Variants in DDI2 observed in about 807,000 individuals in gnomAD.
DDI2 encodes DDI proteasomal shuttling factor 2, also known as protein DDI1 homolog 2.
A neutral mutation model predicts 48.1 loss-of-function variants in DDI2; 5 were observed. The observed-to-expected ratio is 0.10, with a 90% confidence interval of 0.05 to 0.22. DDI2 has a LOEUF of 0.22. Among genes scored for constraint, DDI2 ranks in the 10% least tolerant of loss-of-function variants. DDI2 has a pLI of 1.00. For synonymous variants in DDI2, 205 were observed against 183.6 expected, an observed-to-expected ratio of 1.12 and a Z score of -0.94; for missense variants, 285 against 506.2, an observed-to-expected ratio of 0.56 and a Z score of 4.19.
intron 1 of DDI2, among the ~76,000 whole-genome samples, chr1:15,618,240 A>G (rs1007447475): frequency 6.9e-6 from 1 of 143,990 alleles, no homozygotes; most frequent in African/African-American, 2.6e-5. Flanking sequence ...TGGTAGATAG[A>G]TGTTCCTCTG....
chr1:15,637,332 A>T (rs1042814790), intron 4 of DDI2, among the ~76,000 whole-genome samples: 3 of 151,898 alleles, frequency 2.0e-5, no homozygotes, highest in African/African-American at 7.3e-5. Flanking sequence ...TGGCCTTCCA[A>T]AGAAAGTGCT....
chr1:15,652,449 AGGGGGGGG>A lies in DDI2; in HGVS notation c.1183+563_1183+570del. On this transcript the variant is annotated intron_variant, in intron 8 of 9. Coordinates refer to ENST00000480945, the MANE Select transcript of DDI2 (RefSeq NM_032341.5). ...ATCCCAGCACTTTGGGAGGCTCCGGAGGGGGGGGGGGGGGGGCGGATCACCTGAGGTCA... is the reference window on the plus strand; with the variant it reads ...ATCCCAGCACTTTGGGAGGCTCCGGAGGGGGGGGCGGATCACCTGAGGTCA... Among the ~76,000 whole-genome samples, 2 of 8,212 alleles carry A rather than the reference AGGGGGGGG, an allele frequency of 2.4e-4. 1 individual carries two copies. The highest frequency in any genetic ancestry group is 4.8e-4 in the Non-Finnish European group (2 of 4,204). The allele number at this position is 8,212 out of a possible 152,430, so 5.4% of individuals were successfully genotyped here.
At chr1:15,628,815 T>G (rs1050949475) in intron 2 of DDI2, among the ~76,000 whole-genome samples, 1 of 152,222 alleles carries the variant, frequency 6.6e-6, no homozygotes, top group Non-Finnish European at 1.5e-5. Flanking sequence ...CGTATTTTCA[T>G]TACCTTAAAA....
intron 2 of DDI2, among the ~76,000 whole-genome samples, chr1:15,628,212 A>G (rs1219009832): frequency 6.6e-6 from 1 of 152,122 alleles, no homozygotes; most frequent in Non-Finnish European, 1.5e-5. Flanking sequence ...AGTGGAGATA[A>G]AATTTCTTGA....
chr1:15,633,294 A>T (rs1362983190), intron 3 of DDI2, 145 bp from the exon 4 acceptor site: 2 of 879,006 alleles, frequency 2.3e-6, no homozygotes, highest in Non-Finnish European at 3.4e-6. Context: ...CAGAAAGTAA[A>T]TGTAATTGCT....
Position 15,664,621 on chromosome 1 carries a change from C to T in DDI2, c.*4831C>T, listed in dbSNP as rs954550394. On this transcript the variant is annotated 3_prime_UTR_variant, in exon 10 of 10. Coordinates refer to ENST00000480945, the MANE Select transcript of DDI2 (RefSeq NM_032341.5). ...AACTTCTAAGAATACCATCAAATCC[C>T]TGTGAATTCTGGTTGCCAACAGTAA... The T allele has an allele frequency of 2.6e-5, 4 of 152,146 alleles. No homozygotes were observed. Among genetic ancestry groups the T allele is most frequent in the Non-Finnish European group, 5.9e-5 (4 of 68,044 alleles). The allele number at this position is 152,146 out of a possible 1,614,324, so 9.4% of individuals were successfully genotyped here.
intron 8 of DDI2, among the ~76,000 whole-genome samples, chr1:15,655,271 C>T (rs1055114830): frequency 6.6e-6 from 1 of 152,056 alleles, no homozygotes; most frequent in African/African-American, 2.4e-5. Context: ...CATCGACTTC[C>T]TAATATCATC....
At chr1:15,635,818 C>G (rs1254512578) in intron 4 of DDI2, among the ~76,000 whole-genome samples, 1 of 152,122 alleles carries the variant, frequency 6.6e-6, no homozygotes, top group African/African-American at 2.4e-5. Context: ...TGTTGAAACT[C>G]ATTTGGGTTG....
intron 3 of DDI2, 46 bp from the exon 4 acceptor site, chr1:15,633,393 T>G (rs1276232334): frequency 6.2e-7 from 1 of 1,600,728 alleles, no homozygotes; most frequent in Non-Finnish European, 8.5e-7. Flanking sequence ...CTGATAAACG[T>G]TGAAAATATA....
In DDI2 at chr1:15,661,419, T is replaced by A; in HGVS notation, c.*1629T>A. On this transcript the variant is annotated 3_prime_UTR_variant, in exon 10 of 10. Coordinates refer to ENST00000480945, the MANE Select transcript of DDI2 (RefSeq NM_032341.5). ...AGCAAACTAAGTCTTTGTCATCCAA[T>A]TTCATATTGGTTAAAGACTTAGGTC... 2 of 1,614,176 alleles carry A rather than the reference T, an allele frequency of 1.2e-6. No homozygotes were observed.
intron 8 of DDI2, 115 bp from the exon 9 acceptor site, chr1:15,656,502 G>C: frequency 1.2e-6 from 2 of 1,600,068 alleles, no homozygotes; most frequent in South Asian, 2.2e-5. Context: ...CCTCAACTTG[G>C]AATCTACCAG....
intron 5 of DDI2, 49 bp downstream of exon 5, chr1:15,638,483 CT>C (rs776087843): frequency 1.9e-6 from 3 of 1,593,306 alleles, no homozygotes; most frequent in Non-Finnish European, 2.6e-6. Flanking sequence ...ACATCTTTAC[CT>C]GACACGGGAG....
intron 7 of DDI2, among the ~76,000 whole-genome samples, chr1:15,650,856 A>G (rs1640168357): frequency 6.6e-6 from 1 of 152,020 alleles, no homozygotes; most frequent in Non-Finnish European, 1.5e-5. Context: ...CTATTTATTT[A>G]TTTATTTATT....
At chr1:15,638,734 C>A (rs1056485895) in intron 5 of DDI2, among the ~76,000 whole-genome samples, 1 of 151,932 alleles carries the variant, frequency 6.6e-6, no homozygotes, top group Admixed American at 6.6e-5. Flanking sequence ...GGGGTTTCAC[C>A]GTGTTGGTCA....
At chr1:15,644,485 C>T (rs1404634369) in intron 6 of DDI2, among the ~76,000 whole-genome samples, 1 of 152,058 alleles carries the variant, frequency 6.6e-6, no homozygotes, top group African/African-American at 2.4e-5. Context: ...GAGGCATTGC[C>T]CCTTAACCTT....
intron 8 of DDI2, chr1:15,656,347 C>A: frequency 8.1e-7 from 1 of 1,237,414 alleles, no homozygotes; most frequent in Non-Finnish European, 1.0e-6. Context: ...TCACATTTGC[C>A]CGTGAATTCT....
chr1:15,658,445 C>T (rs1009302717), intron 9 of DDI2, among the ~76,000 whole-genome samples: 1 of 151,554 alleles, frequency 6.6e-6, no homozygotes, highest in Non-Finnish European at 1.5e-5. Flanking sequence ...CCACTGTGCC[C>T]AGCCCTTTTT....
chr1:15,619,086 T>G (rs947208805), intron 1 of DDI2, among the ~76,000 whole-genome samples: 2 of 152,238 alleles, frequency 1.3e-5, no homozygotes, highest in African/African-American at 2.4e-5. Flanking sequence ...AAGGACTGTT[T>G]AAATAGAGAA....
At chr1:15,645,090 A>G (rs1041909953) in intron 6 of DDI2, among the ~76,000 whole-genome samples, 3 of 151,414 alleles carry the variant, frequency 2.0e-5, no homozygotes, top group African/African-American at 7.3e-5. Flanking sequence ...AGGTTTCTCC[A>G]TATTGGCCAG....
Sources: allele counts gnomAD v4.1 joint callset (sites outside exome capture counted in the v4.1 genomes callset), GRCh38; gene constraint gnomAD v4.1.1; transcripts MANE v1.5; gene names NCBI Gene and HGNC (gene_info 2026-07-23, HGNC 2026-07-21).